Variants in SORCS3 observed in about 807,000 individuals in gnomAD.
The protein encoded by SORCS3 is sortilin related VPS10 domain containing receptor 3.
SORCS3 carries 57 observed loss-of-function variants against 146.3 expected under a neutral mutation model. The observed-to-expected ratio is 0.39, with a 90% CI of 0.31 to 0.49. The LOEUF (loss-of-function observed/expected upper bound fraction) is 0.49, where lower values mean the gene tolerates loss of function less well. Ranked by LOEUF, SORCS3 falls within the 20% of genes least tolerant of loss-of-function variation. The probability of loss-of-function intolerance (pLI) is 0.92; values close to 1 mark genes in which losing one functional copy is unlikely to be tolerated. For missense variants in SORCS3, 1,341 were observed against 1,575.5 expected (o/e 0.85, Z 2.52); for synonymous variants, 653 against 618.5 (o/e 1.06, Z -0.83).
At chr10:104,836,307 G>A (rs1042571312) in intron 1 of SORCS3, among the ~76,000 whole-genome samples, 2 of 152,088 alleles carry the variant, frequency 1.3e-5, no homozygotes, top group Non-Finnish European at 2.9e-5. Flanking sequence ...GTTAAGGAGG[G>A]CTACACATTT....
At chr10:104,671,902 G>A (rs549901809) in intron 1 of SORCS3, among the ~76,000 whole-genome samples, 32 of 152,218 alleles carry the variant, frequency 2.1e-4, no homozygotes, top group African/African-American at 7.5e-4. Flanking sequence ...TTTTCCAGCT[G>A]TGTCAATAAG....
intron 1 of SORCS3, among the ~76,000 whole-genome samples, chr10:104,819,083 A>G (rs977069152): frequency 6.6e-6 from 1 of 152,108 alleles, no homozygotes; most frequent in Non-Finnish European, 1.5e-5. Context: ...AGAAAAGGCC[A>G]GGGGGGTGAC....
intron 1 of SORCS3, among the ~76,000 whole-genome samples, chr10:104,795,973 A>G (rs1164928067): frequency 1.3e-5 from 2 of 152,210 alleles, no homozygotes; most frequent in Admixed American, 6.5e-5. Context: ...GCCCCCTAGC[A>G]GAGCGCTTTG....
intron 14 of SORCS3, among the ~76,000 whole-genome samples, chr10:105,183,209 C>G (rs1357652078): frequency 6.6e-6 from 1 of 152,178 alleles, no homozygotes; most frequent in East Asian, 1.9e-4. Context: ...ATACCTTTGG[C>G]TAGGGCCAAT....
At chr10:105,025,363 C>T (rs964749028) in intron 4 of SORCS3, among the ~76,000 whole-genome samples, 7 of 152,102 alleles carry the variant, frequency 4.6e-5, no homozygotes, top group Admixed American at 1.3e-4. Flanking sequence ...CTTTGAGCAA[C>T]AAGTCATGTC....
intron 14 of SORCS3, among the ~76,000 whole-genome samples, chr10:105,191,713 C>T (rs551701675): frequency 6.6e-6 from 1 of 152,184 alleles, no homozygotes; most frequent in East Asian, 1.9e-4. Flanking sequence ...GATCATCAGG[C>T]ATTAGTTAGA....
At chr10:104,940,204 T>TTATATA (rs71022748) in intron 3 of SORCS3, among the ~76,000 whole-genome samples, 23 of 52,998 alleles carry the variant, frequency 4.3e-4, no homozygotes, top group Admixed American at 5.4e-4. Context: ...TCCTTTTCTT[T>TTATATA]TATATATATA....
chr10:104,803,044 G>A (rs766838141), intron 1 of SORCS3, among the ~76,000 whole-genome samples: 4 of 152,186 alleles, frequency 2.6e-5, no homozygotes, highest in Non-Finnish European at 4.4e-5. Context: ...CACCCTCTAA[G>A]TTTGTCCTTT....
intron 8 of SORCS3, among the ~76,000 whole-genome samples, chr10:105,139,782 T>C (rs1322776494): frequency 6.6e-6 from 1 of 152,160 alleles, no homozygotes; most frequent in Non-Finnish European, 1.5e-5. Context: ...GAATCTCCTC[T>C]GAGGGGCTCT....
chr10:105,004,988 A>G (rs2055086082), intron 4 of SORCS3, among the ~76,000 whole-genome samples: 1 of 152,230 alleles, frequency 6.6e-6, no homozygotes, highest in African/African-American at 2.4e-5. Flanking sequence ...GATGTGAATT[A>G]GGTAGATCTG....
intron 7 of SORCS3, among the ~76,000 whole-genome samples, chr10:105,131,057 T>C (rs964823255): frequency 6.6e-6 from 1 of 152,174 alleles, no homozygotes; most frequent in African/African-American, 2.4e-5. Context: ...ATGAAACTTG[T>C]AGCTGTTTAT....
intron 2 of SORCS3, among the ~76,000 whole-genome samples, chr10:104,903,111 T>C (rs1589543159): frequency 6.6e-6 from 1 of 152,320 alleles, no homozygotes; most frequent in East Asian, 1.9e-4. Context: ...AGTTCCAGGA[T>C]TGTCATTTGG....
At chr10:104,713,797 G>A (rs2133440440) in intron 1 of SORCS3, among the ~76,000 whole-genome samples, 1 of 152,218 alleles carries the variant, frequency 6.6e-6, no homozygotes, top group Non-Finnish European at 1.5e-5. Flanking sequence ...ATTATAGAAT[G>A]CTTCTGTTTT....
intron 2 of SORCS3, among the ~76,000 whole-genome samples, chr10:104,863,976 A>G (rs2018433239): frequency 6.6e-6 from 1 of 152,210 alleles, no homozygotes; most frequent in South Asian, 2.1e-4. Context: ...GGACATTTCC[A>G]GGAGATCTGA....
At chr10:105,152,944 T>TTG (rs1244919452) in intron 9 of SORCS3, among the ~76,000 whole-genome samples, 1 of 151,964 alleles carries the variant, frequency 6.6e-6, no homozygotes, top group Non-Finnish European at 1.5e-5. Flanking sequence ...TATTAATTTT[T>TTG]TTTTGCATTT....
At chr10:104,731,282 A>G (rs1328108518) in intron 1 of SORCS3, among the ~76,000 whole-genome samples, 4 of 152,176 alleles carry the variant, frequency 2.6e-5, no homozygotes, top group African/African-American at 7.2e-5. Flanking sequence ...GGCAAAATAA[A>G]TGATCTTTGG....
intron 1 of SORCS3, among the ~76,000 whole-genome samples, chr10:104,697,481 G>T (rs1317026110): frequency 6.6e-6 from 1 of 152,124 alleles, no homozygotes; most frequent in Admixed American, 6.6e-5. Context: ...GTTCTCCTGG[G>T]CGAGAAATTG....
chr10:104,648,311 A>AT (rs925326141), intron 1 of SORCS3, among the ~76,000 whole-genome samples: 5 of 151,358 alleles, frequency 3.3e-5, no homozygotes, highest in African/African-American at 4.8e-5. Context: ...GACCCTGCTT[A>AT]TTTTTTTTTC....
intron 2 of SORCS3, among the ~76,000 whole-genome samples, chr10:104,898,955 A>G (rs1375717283): frequency 6.6e-6 from 1 of 152,252 alleles, no homozygotes; most frequent in African/African-American, 2.4e-5. Flanking sequence ...CAATGCATAC[A>G]GTCTCCAAGA....
Sources: allele counts gnomAD v4.1 joint callset (sites outside exome capture counted in the v4.1 genomes callset), GRCh38; gene constraint gnomAD v4.1.1; transcripts MANE v1.5; gene names NCBI Gene and HGNC (gene_info 2026-07-23, HGNC 2026-07-21).